MCTP2: variants seen among roughly 807,000 people sequenced by gnomAD.
MCTP2 encodes multiple C2 and transmembrane domain containing 2.
Under a neutral mutation model 111.6 loss-of-function variants are expected in MCTP2, and 132 were observed. The ratio of observed to expected loss-of-function variants is 1.18; its 90% CI spans 1.03 to 1.37. The LOEUF (loss-of-function observed/expected upper bound fraction) is 1.37. MCTP2 is among the 40% of genes most tolerant of loss of function. The pLI, the probability that MCTP2 is intolerant of heterozygous loss-of-function variation, is 0.00. For missense variants in MCTP2, 1,183 were observed against 1,067.9 expected, an observed-to-expected ratio of 1.11 and a Z score of -1.50; for synonymous variants, 395 against 387.7, an observed-to-expected ratio of 1.02 and a Z score of -0.22.
intron 17 of MCTP2, among the ~76,000 whole-genome samples, chr15:94,418,085 C>T (rs1240915769): frequency 6.6e-6 from 1 of 151,524 alleles, no homozygotes; most frequent in Non-Finnish European, 1.5e-5. Flanking sequence ...CTGATCTAAT[C>T]TTTCTATGAA....
chr15:94,436,665 A>G (rs925811504), intron 17 of MCTP2, among the ~76,000 whole-genome samples: 46 of 152,172 alleles, frequency 3.0e-4, no homozygotes, highest in Admixed American at 2.0e-4. Flanking sequence ...GTGGTTGTTC[A>G]AGTAATTTTT....
In MCTP2 at chr15:94,398,915, A is replaced by T. The variant is rs368399305; in HGVS notation, c.1789-46A>T. 3.4e-6 allele frequency: 4 copies of T among 1,173,452 alleles called. No homozygotes were observed. In the African/African-American group the frequency reaches 4.6e-5, roughly 13 times the overall value. The allele number at this position is 1,173,452 out of a possible 1,614,324, so 72.7% of individuals were successfully genotyped here. A position where few individuals can be genotyped will look rare whatever the true frequency, so the allele number is the denominator to read the frequency against. On this transcript the variant is annotated intron_variant, in intron 14 of 22. Transcript: ENST00000357742. ...GTTTTGGTTATTTACTTTAAACCAC[A>T]TAGTAATTTTGCACCAATGTGTATT...
At chr15:94,274,813 TC>T (rs2074101722) in intron 1 of MCTP2, among the ~76,000 whole-genome samples, 1 of 152,160 alleles carries the variant, frequency 6.6e-6, no homozygotes, top group Admixed American at 6.5e-5. Context: ...ACACAAACTT[TC>T]TAAGAAAATG....
chr15:94,430,012 T>C (rs1283997313), intron 17 of MCTP2, among the ~76,000 whole-genome samples: 4 of 152,196 alleles, frequency 2.6e-5, no homozygotes, highest in Non-Finnish European at 5.9e-5. Context: ...ACTTTCTAAC[T>C]AGTCAAAACA....
chr15:94,445,083 G>A, intron 19 of MCTP2, among the ~76,000 whole-genome samples: 1 of 152,190 alleles, frequency 6.6e-6, no homozygotes, highest in East Asian at 1.9e-4. Flanking sequence ...CAGCCCTTTG[G>A]TCTGTGCTTT....
Position 94,261,319 on chromosome 15 carries a change from A to T in MCTP2, c.-66+29655A>T, listed in dbSNP as rs1397169314. On this transcript the variant is annotated intron_variant, in intron 1 of 22. Transcript: ENST00000357742. ...TTGGCAAAATAAACTTTCTAAATTG[A>T]TTGAGACCTGTCTGAGACACTTTTT... is the stretch of plus-strand genomic sequence containing the variant. 5.9e-5 allele frequency among the ~76,000 whole-genome samples: 9 copies of T among 152,260 alleles called. No homozygotes were observed. The South Asian group carries it at 1.0e-3, about 18-fold the overall frequency.
At chr15:94,459,798 A>G (rs2085072131) in intron 20 of MCTP2, among the ~76,000 whole-genome samples, 1 of 152,220 alleles carries the variant, frequency 6.6e-6, no homozygotes, top group Admixed American at 6.5e-5. Flanking sequence ...AAATGCAACC[A>G]TAATTACAAT....
At chr15:94,336,872 C>T (rs1208058434) in intron 4 of MCTP2, among the ~76,000 whole-genome samples, 2 of 151,968 alleles carry the variant, frequency 1.3e-5, no homozygotes, top group Non-Finnish European at 2.9e-5. Context: ...TCCTTCAGGT[C>T]CCCATGGCAG....
chr15:94,459,352 A>C (rs1310675276), intron 20 of MCTP2, among the ~76,000 whole-genome samples: 4 of 152,210 alleles, frequency 2.6e-5, no homozygotes, highest in Non-Finnish European at 5.9e-5. Flanking sequence ...ACATCAGGAA[A>C]TATAAGTAGT....
At chr15:94,237,188 A>G in intron 1 of MCTP2, among the ~76,000 whole-genome samples, 1 of 152,178 alleles carries the variant, frequency 6.6e-6, no homozygotes, top group East Asian at 1.9e-4. Context: ...TAGAGATTTG[A>G]AAGAACTGGT....
chr15:94,453,356 C>T (rs975825892), intron 19 of MCTP2, among the ~76,000 whole-genome samples: 1 of 152,176 alleles, frequency 6.6e-6, no homozygotes, highest in Admixed American at 6.5e-5. Context: ...TCTGCATGGT[C>T]CATAATAAAA....
chr15:94,245,856 A>T (rs906197153), intron 1 of MCTP2, among the ~76,000 whole-genome samples: 1 of 151,860 alleles, frequency 6.6e-6, no homozygotes, highest in Non-Finnish European at 1.5e-5. Context: ...TTGATCAGCT[A>T]TGATTTCACG....
chr15:94,402,610 A>G lies in MCTP2; in HGVS notation c.2085+591A>G, dbSNP rs2081657524. On this transcript the variant is annotated intron_variant, in intron 17 of 22. Transcript: ENST00000357742. ...CTGCAAGAGATCTTAAAACCACCTA[A>G]GTCTACCACTGAGAGCCCAAGAATC... The G allele has an allele frequency of 2.6e-6, 4 of 1,550,524 alleles. No individual in the cohort carries two copies. The Admixed American group carries it at 7.9e-5, about 30-fold the overall frequency.
chr15:94,442,924 C>CACAG lies in MCTP2; in HGVS notation c.2218_2221dup (p.Ile741ArgfsTer4), dbSNP rs1203120451. On this transcript the variant is annotated frameshift_variant, in exon 19 of 23. Transcript: ENST00000357742. LOFTEE classifies it high-confidence loss of function. Reference sequence around the variant, plus strand: ...CACGTGGGATTTCCTTTCAGGAGAGCACAGACATAGATGACGAGGAGGATG... The same window carrying CACAG: ...CACGTGGGATTTCCTTTCAGGAGAGCACAGACAGACATAGATGACGAGGAGGATG... 25 of 1,613,080 alleles carry CACAG rather than the reference C, an allele frequency of 1.5e-5. No individual in the cohort carries two copies. The highest frequency in any genetic ancestry group is 1.7e-4 in the Middle Eastern group (1 of 6,054).
chr15:94,318,289 T>C (rs1263184969), intron 4 of MCTP2, among the ~76,000 whole-genome samples: 3 of 15,066 alleles, frequency 2.0e-4, no homozygotes, highest in Non-Finnish European at 4.8e-4. Flanking sequence ...TTTTTTTTTT[T>C]TTTTTTTTTT....
intron 14 of MCTP2, among the ~76,000 whole-genome samples, chr15:94,390,074 A>ACG (rs1555464858): frequency 5.0e-4 from 13 of 25,858 alleles, no homozygotes; most frequent in African/African-American, 1.2e-3. Flanking sequence ...ATATATATAT[A>ACG]TATATATATA....
chr15:94,256,315 C>T (rs986005729), intron 1 of MCTP2, among the ~76,000 whole-genome samples: 1 of 151,498 alleles, frequency 6.6e-6, no homozygotes, highest in Non-Finnish European at 1.5e-5. Context: ...TATGTATATG[C>T]AAATGTTCCA....
chr15:94,478,001 A>T (rs563291799), intron 22 of MCTP2, among the ~76,000 whole-genome samples: 1 of 152,330 alleles, frequency 6.6e-6, no homozygotes, highest in East Asian at 1.9e-4. Context: ...CTGACAAAGT[A>T]CAGCCTGACT....
chr15:94,314,809 A>G (rs1223445158), intron 3 of MCTP2: 1 of 454,210 alleles, frequency 2.2e-6, no homozygotes, highest in Non-Finnish European at 4.4e-6. Context: ...ATTCTACAAT[A>G]TGGCCAGCAG....
Sources: allele counts gnomAD v4.1 joint callset (sites outside exome capture counted in the v4.1 genomes callset), GRCh38; gene constraint gnomAD v4.1.1; transcripts MANE v1.5; gene names NCBI Gene and HGNC (gene_info 2026-07-23, HGNC 2026-07-21).